The following PPP1R13L variants were observed in gnomAD, a reference collection of about 807,000 sequenced individuals.
PPP1R13L encodes the protein protein phosphatase 1 regulatory subunit 13 like, also known as relA-associated inhibitor.
Under a neutral mutation model 80.9 loss-of-function variants are expected in PPP1R13L, and 50 were observed. The observed-to-expected ratio is 0.62, with a 90% CI of 0.49 to 0.78. PPP1R13L has a LOEUF of 0.78. Among genes scored for constraint, PPP1R13L ranks in the 30% least tolerant of loss-of-function variants. The pLI is 0.00. For synonymous variants in PPP1R13L, 602 were observed against 534.3 expected (o/e 1.13, Z -1.75); for missense variants, 1,200 against 1,205.9 (o/e 1.00, Z 0.07).
chr19:45,400,022 T>G (rs1438108985), intron 1 of PPP1R13L, among the ~76,000 whole-genome samples: 1 of 151,906 alleles, frequency 6.6e-6, no homozygotes, highest in East Asian at 1.9e-4. Flanking sequence ...AAGCTTCATT[T>G]GATGGTCAAA....
intron 1 of PPP1R13L, among the ~76,000 whole-genome samples, chr19:45,399,643 A>ATAAG (rs34535999): frequency 0.49 from 73,051 of 150,220 alleles, 19,718 homozygotes; most frequent in Non-Finnish European, 0.62. Flanking sequence ...AAATAAATAA[A>ATAAG]TATGTTTAAA....
At chr19:45,388,945 C>T (rs1232799566) in intron 8 of PPP1R13L, among the ~76,000 whole-genome samples, 2 of 151,914 alleles carry the variant, frequency 1.3e-5, no homozygotes, top group East Asian at 2.0e-4. Flanking sequence ...ACCATGTTGG[C>T]GAGGCTAGTC....
chr19:45,396,934 G>T lies in PPP1R13L; in HGVS notation c.323C>A (p.Pro108His). ...TCCCTTGGGGGACAGCGGGCTGTAG[G>T]GGTGTAGGGTTGGGGCACTCTCTGA... ...GRSESAPTLHPYSPLSPKGRP... is the reference protein window; with the variant it reads ...GRSESAPTLHHYSPLSPKGRP... The change falls in exon 4 of 13, where the codon CCC becomes CAC. Residue 108 changes from proline to histidine, a missense_variant. Transcript: ENST00000360957. The surrounding 1 kb of genome is among the most constrained non-coding windows in gnomAD (Gnocchi z 5.3). The T allele has an allele frequency of 6.8e-7, 1 of 1,468,606 alleles. No homozygotes were observed. Among genetic ancestry groups the T allele is most frequent in the South Asian group, 1.4e-5 (1 of 71,268 alleles). 91.0% of individuals were successfully genotyped at this position (1,468,606 alleles called of 1,614,324 possible).
At chr19:45,385,540 C>G (rs756293826) in intron 11 of PPP1R13L, 22 bp downstream of exon 11, 4 of 1,594,510 alleles carry the variant, frequency 2.5e-6, no homozygotes, top group Admixed American at 1.7e-5. Context: ...GGTACCCAGG[C>G]GCCAGCAGCC....
chr19:45,391,104 G>T (rs1369742364), intron 8 of PPP1R13L, among the ~76,000 whole-genome samples: 1 of 151,924 alleles, frequency 6.6e-6, no homozygotes, highest in African/African-American at 2.4e-5. Flanking sequence ...AAGCTAAAGC[G>T]GGAGGATGGC....
At position 45,386,133 on chromosome 19, in the gene PPP1R13L, G is replaced by T; in HGVS notation, c.1863C>A (p.Arg621=). ...LRKAGSPRKA[R]RARLNPLVLL... is the part of the protein sequence containing the mutation. ...GCACCAGAGGGTTGAGGCGCGCGCG[G>T]CGGGCCTTGCGCGGGGAGCCCGCCT... Residue 621 remains arginine, a synonymous_variant, in exon 9 of 13, where the codon CGC becomes CGA. Transcript: ENST00000360957. 1 of 1,543,606 alleles carries T rather than the reference G, an allele frequency of 6.5e-7. No homozygotes were observed.
intron 3 of PPP1R13L, among the ~76,000 whole-genome samples, chr19:45,397,533 T>C (rs1276743851): frequency 2.9e-5 from 4 of 136,250 alleles, no homozygotes; most frequent in African/African-American, 1.1e-4. Context: ...CTCGGCTCAT[T>C]GCAGCCTCAA....
chr19:45,394,629 A>ATTTTTTTTT (rs56394453), intron 7 of PPP1R13L: 1 of 124,672 alleles, frequency 8.0e-6, no homozygotes, highest in Non-Finnish European at 1.6e-5. Context: ...TGCCCAGCTA[A>ATTTTTTTTT]TTTTTTTTTT....
Position 45,386,052 on chromosome 19 carries a change from C to T in PPP1R13L, c.1944G>A (p.Lys648=). The change falls in exon 9 of 13, where the codon AAG becomes AAA. Residue 648 remains lysine, a synonymous_variant. Coordinates refer to ENST00000360957, the MANE Select transcript of PPP1R13L (RefSeq NM_006663.4). ...GELEVVQQAV[K]EMNDPSQPNE... ...CCTCCCGCTCAGCAGCGCTCACCTC[C>T]TTCACCGCCTGCTGCACCACCTCCA... The T allele has an allele frequency of 1.9e-6, 3 of 1,587,640 alleles. No homozygotes were observed. Among genetic ancestry groups the T allele is most frequent in the Non-Finnish European group, 2.6e-6 (3 of 1,169,914 alleles).
At chr19:45,401,749 A>G (rs1973236585) in intron 1 of PPP1R13L, among the ~76,000 whole-genome samples, 1 of 152,108 alleles carries the variant, frequency 6.6e-6, no homozygotes, top group Non-Finnish European at 1.5e-5. Context: ...CTGGAAGTCT[A>G]GATGGATGGT....
intron 1 of PPP1R13L, among the ~76,000 whole-genome samples, chr19:45,403,310 T>C (rs922617165): frequency 2.6e-5 from 4 of 152,070 alleles, no homozygotes; most frequent in South Asian, 2.1e-4. Context: ...AATTTTTTTT[T>C]CCCCTAAAAG....
intron 1 of PPP1R13L, among the ~76,000 whole-genome samples, chr19:45,402,565 C>T (rs1471308053): frequency 2.0e-5 from 3 of 152,168 alleles, no homozygotes; most frequent in African/African-American, 7.2e-5. Flanking sequence ...CCGGGGAATG[C>T]GCAGCGGGCC....
intron 3 of PPP1R13L, among the ~76,000 whole-genome samples, chr19:45,397,534 G>A (rs1973138096): frequency 9.8e-6 from 1 of 101,652 alleles, no homozygotes; most frequent in Non-Finnish European, 2.1e-5. Context: ...TCGGCTCATT[G>A]CAGCCTCAAC....
intron 8 of PPP1R13L, among the ~76,000 whole-genome samples, chr19:45,389,170 A>C (rs1410716525): frequency 6.6e-6 from 1 of 151,906 alleles, no homozygotes; most frequent in Non-Finnish European, 1.5e-5. Flanking sequence ...TGTGGCCAGG[A>C]CTCTGTGATT....
rs1158530327 is a variant in PPP1R13L at position 45,396,067 on chromosome 19, C to T, written c.903+101G>A. On this transcript the variant is annotated intron_variant, in intron 6 of 12. Coordinates refer to ENST00000360957, the MANE Select transcript of PPP1R13L (RefSeq NM_006663.4). The surrounding 1 kb of genome is among the most constrained non-coding windows in gnomAD (Gnocchi z 5.3). The stretch of plus-strand genomic sequence containing the variant: ...GAGAGCGTGGGAACGGGCGCCGAGA[C>T]CCAGATCGCAGCCCCGAGGGGGAGA... 7.1e-7 allele frequency: 1 copy of T among 1,399,150 alleles called. No homozygotes were observed. Among genetic ancestry groups the T allele is most frequent in the East Asian group, 2.5e-5 (1 of 39,912 alleles). The allele number at this position is 1,399,150 out of a possible 1,614,324, so 86.7% of individuals were successfully genotyped here.
At chr19:45,390,330 G>A (rs906614369) in intron 8 of PPP1R13L, among the ~76,000 whole-genome samples, 1 of 152,124 alleles carries the variant, frequency 6.6e-6, no homozygotes, top group Middle Eastern at 3.4e-3. Flanking sequence ...AAAGCAAAAC[G>A]CTGGAAAAAA....
intron 1 of PPP1R13L, among the ~76,000 whole-genome samples, chr19:45,403,194 C>T (rs1378742425): frequency 2.0e-5 from 3 of 152,090 alleles, no homozygotes; most frequent in Admixed American, 6.6e-5. Flanking sequence ...ATGCAGTGCG[C>T]GAAATAAAGT....
Position 45,391,909 on chromosome 19 carries a change from TCTGGGACGGGG to T in PPP1R13L, c.1775_1785del (p.Ala592GlufsTer148). The T allele has an allele frequency of 6.7e-7, 1 of 1,496,916 alleles. No individual in the cohort carries two copies. The highest frequency in any genetic ancestry group is 8.9e-7 in the Non-Finnish European group (1 of 1,127,030). 92.7% of individuals were successfully genotyped at this position (1,496,916 alleles called of 1,614,324 possible). On this transcript the variant is annotated frameshift_variant, in exon 8 of 13. Transcript: ENST00000360957. LOFTEE classifies it high-confidence loss of function. ...CTCTGCGGCTGCTCTGGTGGGCTGC[TCTGGGACGGGG>T]CCGGGGGTGGAATGGGAGCTGGTGG...
chr19:45,385,660 G>A lies in PPP1R13L; in HGVS notation c.2150C>T (p.Ala717Val). 6.2e-7 allele frequency: 1 copy of A among 1,613,180 alleles called. No individual in the cohort carries two copies. Among genetic ancestry groups the A allele is most frequent in the Non-Finnish European group, 8.5e-7 (1 of 1,179,894 alleles). ...VICMALVQHG[A>V]AIFATTLSDG... ...GCTGAGCGTGGTGGCGAAGATTGCA[G>A]CGCCGTGCTGCACCAGCGCCATGCA... is the stretch of plus-strand genomic sequence containing the variant. The change falls in exon 11 of 13, where the codon GCT becomes GTT. Residue 717 changes from alanine (A) to valine (V), a missense_variant. Ala to Val is a moderately conservative substitution (Grantham distance 64). Coordinates refer to ENST00000360957, the MANE Select transcript of PPP1R13L (RefSeq NM_006663.4).
Sources: gnomAD v4.1 joint callset for allele counts (sites outside exome capture counted in the v4.1 genomes callset) on GRCh38, gnomAD v4.1.1 for gene constraint, Gnocchi (gnomAD v3.1) non-coding constraint, MANE v1.5 for transcripts, NCBI Gene and HGNC (gene_info 2026-07-23, HGNC 2026-07-21) for gene names.